Variants in SLC35F5 observed in about 807,000 individuals in gnomAD.
The protein encoded by SLC35F5 is HCV NS5A-transactivated protein 3.
In SLC35F5, 54 loss-of-function variants were observed where a neutral mutation model predicts 68.6. That is an observed-to-expected ratio of 0.79 (90% CI 0.63 to 0.99). The LOEUF (loss-of-function observed/expected upper bound fraction) is 0.99. SLC35F5 is among the 50% of genes least tolerant of loss of function. SLC35F5 has a pLI of 0.00. For missense variants in SLC35F5, 567 were observed against 626.9 expected (o/e 0.90, Z 1.02); for synonymous variants, 211 against 205.2 (o/e 1.03, Z -0.24).
At chr2:113,737,839 T>A (rs1045243916) in intron 7 of SLC35F5, among the ~76,000 whole-genome samples, 2 of 152,120 alleles carry the variant, frequency 1.3e-5, no homozygotes, top group Admixed American at 1.3e-4. Context: ...CATCCTCCAA[T>A]AGAAATTGTC....
chr2:113,735,664 A>G (rs1364965908), intron 8 of SLC35F5, 113 bp downstream of exon 8: 2 of 635,472 alleles, frequency 3.1e-6, no homozygotes, highest in Admixed American at 6.4e-5. Context: ...AATGTATATT[A>G]GAACTAATGT....
At chr2:113,723,061 T>A in intron 13 of SLC35F5, 43 bp downstream of exon 13, 1 of 1,345,880 alleles carries the variant, frequency 7.4e-7, no homozygotes, top group South Asian at 1.6e-5. Flanking sequence ...TTTGTTTTAA[T>A]AACACACCTA....
At chr2:113,747,087 G>C (rs1277655525) in intron 4 of SLC35F5, among the ~76,000 whole-genome samples, 1 of 152,066 alleles carries the variant, frequency 6.6e-6, no homozygotes, top group Admixed American at 6.6e-5. Context: ...AGGAGTTTGA[G>C]ACCAGCCTGG....
chr2:113,703,033 C>T (rs1372932250), downstream of SLC35F5, among the ~76,000 whole-genome samples: 1 of 151,994 alleles, frequency 6.6e-6, no homozygotes, highest in Admixed American at 6.6e-5. Flanking sequence ...TCACTTGAGC[C>T]CTGGTAGTGG....
rs190388866 is a variant in SLC35F5 at position 113,746,439 on chromosome 2, C to A, written c.418-100G>T. On this transcript the variant is annotated intron_variant, in intron 4 of 15. Coordinates refer to ENST00000245680, the MANE Select transcript of SLC35F5 (RefSeq NM_025181.5). ...ATAAATAGAAGCAAAAATCCAGAAT[C>A]AACCTGTAAGACTAAAACTGTTACT... 1.0e-5 allele frequency: 9 copies of A among 880,536 alleles called. No individual in the cohort carries two copies. The African/African-American group carries it at 1.5e-4, about 15-fold the overall frequency. 54.5% of individuals were successfully genotyped at this position (880,536 alleles called of 1,614,324 possible).
chr2:113,733,616 A>G (rs72944694), intron 9 of SLC35F5, among the ~76,000 whole-genome samples: 2,564 of 152,292 alleles, frequency 0.017, 76 homozygotes, highest in African/African-American at 0.055. Flanking sequence ...TGCCCATTGG[A>G]GCAACCGTGG....
At chr2:113,730,735 A>C (rs1445398920) in intron 10 of SLC35F5, among the ~76,000 whole-genome samples, 2 of 152,210 alleles carry the variant, frequency 1.3e-5, no homozygotes, top group East Asian at 3.8e-4. Context: ...TGCTCAGCCC[A>C]GCTAGGTTCT....
At chr2:113,741,150 A>G (rs1413983745) in intron 7 of SLC35F5, among the ~76,000 whole-genome samples, 1 of 152,246 alleles carries the variant, frequency 6.6e-6, no homozygotes, top group Non-Finnish European at 1.5e-5. Flanking sequence ...AACCTGGAGG[A>G]CATTATGCTA....
Position 113,725,490 on chromosome 2 carries a change from A to G in SLC35F5, c.1138T>C (p.Leu380=). 1 of 1,603,456 alleles carries G rather than the reference A, an allele frequency of 6.2e-7. No individual in the cohort carries two copies. Among genetic ancestry groups the G allele is most frequent in the South Asian group, 1.1e-5 (1 of 88,242 alleles). Residue 380 remains leucine, a synonymous_variant, in exon 12 of 16, where the codon TTA becomes CTA. Transcript: ENST00000245680. ...NLLLLWPGFF[L]LHYTGFEDFE... ...TCCTCAAATCCAGTATAATGAAGTA[A>G]AAAGAAACCTGGCCATAAGAGCAGC...
intron 1 of SLC35F5, 151 bp downstream of exon 1, chr2:113,756,219 T>G: frequency 6.6e-7 from 1 of 1,513,466 alleles, no homozygotes; most frequent in Non-Finnish European, 8.8e-7. Context: ...CCGGCGCCCC[T>G]GTCAGCTCCC....
chr2:113,733,671 G>C (rs962519059), intron 9 of SLC35F5, among the ~76,000 whole-genome samples: 2 of 152,174 alleles, frequency 1.3e-5, no homozygotes, highest in African/African-American at 4.8e-5. Flanking sequence ...TTAATATTAA[G>C]AGCTACCAGT....
intron 13 of SLC35F5, chr2:113,719,595 G>C (rs753572329): frequency 3.5e-5 from 8 of 229,482 alleles, no homozygotes; most frequent in Admixed American, 5.8e-5. Context: ...TGTACACTTA[G>C]AGTAGAGATA....
At chr2:113,703,061 G>T (rs1686727646), downstream of SLC35F5, among the ~76,000 whole-genome samples, 1 of 152,030 alleles carries the variant, frequency 6.6e-6, no homozygotes, top group South Asian at 2.1e-4. Flanking sequence ...AATGAGCCAA[G>T]ATCATGCCAC....
chr2:113,729,279 A>C, intron 11 of SLC35F5, 122 bp downstream of exon 11: 1 of 564,038 alleles, frequency 1.8e-6, no homozygotes, highest in South Asian at 2.5e-5. Context: ...TAATCTTTAA[A>C]TGGTTTTAAA....
rs1453007765 is a variant in SLC35F5 at position 113,707,704 on chromosome 2, C to T, written c.*7514G>A. 1.3e-5 allele frequency among the ~76,000 whole-genome samples: 2 copies of T among 151,994 alleles called. No individual in the cohort carries two copies. The highest frequency in any genetic ancestry group is 2.9e-5 in the Non-Finnish European group (2 of 67,974). On this transcript the variant is annotated 3_prime_UTR_variant, in exon 16 of 16. Coordinates refer to ENST00000245680, the MANE Select transcript of SLC35F5 (RefSeq NM_025181.5). The stretch of plus-strand genomic sequence containing the variant: ...CCTCACAAGTAGCTGGGACTACAGG[C>T]GTGCACCACCATGCCTGGCTAATTT...
At position 113,755,491 on chromosome 2, in the gene SLC35F5, T is replaced by C. The variant is rs577560893; in HGVS notation, c.94A>G (p.Ile32Val). ...GCCCTTCTGAGATCCTCAAGAGCAATGCCGGAAAACTTGGCAGATCTCAGT... is the reference window on the plus strand; with the variant it reads ...GCCCTTCTGAGATCCTCAAGAGCAACGCCGGAAAACTTGGCAGATCTCAGT... ...FRLRSAKFSG[I>V]ALEDLRRALK... Residue 32 changes from isoleucine to valine, a missense_variant, in exon 2 of 16, where the codon ATT becomes GTT. Physicochemically the swap from Ile to Val is conservative, Grantham distance 29 (BLOSUM62 3). Coordinates refer to ENST00000245680, the MANE Select transcript of SLC35F5 (RefSeq NM_025181.5). The C allele has an allele frequency of 6.2e-7, 1 of 1,614,110 alleles. No homozygotes were observed. Among genetic ancestry groups the C allele is most frequent in the Admixed American group, 1.7e-5 (1 of 60,000 alleles).
At position 113,712,869 on chromosome 2, in the gene SLC35F5, G is replaced by T. The variant is rs1356978116; in HGVS notation, c.*2349C>A. On this transcript the variant is annotated 3_prime_UTR_variant, in exon 16 of 16. Transcript: ENST00000245680. Reference sequence around the variant, plus strand: ...CCAACATGGGTCTGACAGAGAGGAAGGACGTCAGCAGTTACTTGAATGTAA... The same window carrying T: ...CCAACATGGGTCTGACAGAGAGGAATGACGTCAGCAGTTACTTGAATGTAA... 6.6e-6 allele frequency: 1 copy of T among 152,154 alleles called. No homozygotes were observed. Among genetic ancestry groups the T allele is most frequent in the Non-Finnish European group, 1.5e-5 (1 of 68,030 alleles). 9.4% of individuals were successfully genotyped at this position (152,154 alleles called of 1,614,324 possible). A position where few individuals can be genotyped will look rare whatever the true frequency, so the allele number is the denominator to read the frequency against.
At chr2:113,743,672 A>C in intron 6 of SLC35F5, 41 bp downstream of exon 6, 2 of 1,539,126 alleles carry the variant, frequency 1.3e-6, no homozygotes, top group Non-Finnish European at 1.8e-6. Flanking sequence ...AAGTGGCTTG[A>C]ATAAAGGTAA....
chr2:113,737,783 T>A (rs898726099), intron 7 of SLC35F5, among the ~76,000 whole-genome samples: 3 of 152,054 alleles, frequency 2.0e-5, no homozygotes, highest in African/African-American at 7.3e-5. Context: ...ATTCTCTGGC[T>A]CTTGTTTCCA....
Sources: allele counts gnomAD v4.1 joint callset (sites outside exome capture counted in the v4.1 genomes callset), GRCh38; gene constraint gnomAD v4.1.1; transcripts MANE v1.5; gene names NCBI Gene and HGNC (gene_info 2026-07-23, HGNC 2026-07-21).